The following ITSN2 variants were observed in gnomAD, a reference collection of about 807,000 sequenced individuals.
ITSN2 encodes intersectin-2.
Under a neutral mutation model 243.7 loss-of-function variants are expected in ITSN2, and 156 were observed. The ratio of observed to expected loss-of-function variants is 0.64; its 90% CI spans 0.56 to 0.73. The LOEUF is 0.73. Ranked by LOEUF, ITSN2 falls within the 30% of genes least tolerant of loss-of-function variation. The probability of loss-of-function intolerance (pLI) is 0.00; values close to 1 mark genes in which losing one functional copy is unlikely to be tolerated. For missense variants in ITSN2, 1,801 were observed against 1,996.1 expected, an observed-to-expected ratio of 0.90 and a Z score of 1.86; for synonymous variants, 703 against 699.9, an observed-to-expected ratio of 1.00 and a Z score of -0.07.
intron 18 of ITSN2, among the ~76,000 whole-genome samples, chr2:24,274,256 C>T (rs555744337): frequency 6.6e-6 from 1 of 152,166 alleles, no homozygotes; most frequent in Non-Finnish European, 1.5e-5. Flanking sequence ...TCTATTATCT[C>T]GTTAGGAGGC....
chr2:24,219,452 G>A (rs939851564), intron 30 of ITSN2, among the ~76,000 whole-genome samples: 4 of 152,310 alleles, frequency 2.6e-5, no homozygotes, highest in South Asian at 2.1e-4. Context: ...CGGCCTGCTC[G>A]GAGGCTGCTA....
intron 33 of ITSN2, 74 bp downstream of exon 33, chr2:24,212,576 G>T: frequency 1.7e-6 from 2 of 1,172,014 alleles, no homozygotes; most frequent in Non-Finnish European, 2.4e-6. Flanking sequence ...AGGGCTCCCT[G>T]AGGATCTGGC....
intron 1 of ITSN2, among the ~76,000 whole-genome samples, chr2:24,347,516 G>T (rs543352324): frequency 6.6e-6 from 1 of 152,050 alleles, no homozygotes. Context: ...GAGAAACCCC[G>T]TCCCTGCTAA....
intron 29 of ITSN2, among the ~76,000 whole-genome samples, chr2:24,244,945 T>C (rs1241804312): frequency 1.3e-5 from 2 of 152,234 alleles, no homozygotes; most frequent in East Asian, 1.9e-4. Context: ...CATAAGTGTA[T>C]CTGAGTTTTG....
chr2:24,210,757 C>A (rs781268348), intron 34 of ITSN2, 23 bp downstream of exon 34: 1 of 1,606,658 alleles, frequency 6.2e-7, no homozygotes, highest in Non-Finnish European at 8.5e-7. Flanking sequence ...TGGAGGCGCA[C>A]GGCTTAACCA....
intron 1 of ITSN2, among the ~76,000 whole-genome samples, chr2:24,345,573 C>T (rs909308442): frequency 5.9e-5 from 9 of 152,104 alleles, no homozygotes; most frequent in East Asian, 1.9e-4. Flanking sequence ...TTAATAGACA[C>T]ATAATACATT....
intron 29 of ITSN2, among the ~76,000 whole-genome samples, chr2:24,243,654 AGATGAGGTCTCCC>A (rs1426474876): frequency 6.6e-6 from 1 of 152,074 alleles, no homozygotes; most frequent in Non-Finnish European, 1.5e-5. Flanking sequence ...TTTTCTGTAG[AGATGAGGTCTCCC>A]TATATTGACG....
In ITSN2 at chr2:24,203,502, C is replaced by T; in HGVS notation, c.*124G>A. 3 of 926,272 alleles carry T rather than the reference C, an allele frequency of 3.2e-6. No individual in the cohort carries two copies. The highest frequency in any genetic ancestry group is 3.2e-6 in the Non-Finnish European group (2 of 630,704). 57.4% of individuals were successfully genotyped at this position (926,272 alleles called of 1,614,324 possible). A position where few individuals can be genotyped will look rare whatever the true frequency, so the allele number is the denominator to read the frequency against. On this transcript the variant is annotated 3_prime_UTR_variant, in exon 40 of 40. Transcript: ENST00000355123. ...TTAGTGTGCAGGAAAACAGAGCCCC[C>T]AGCGTGCATGGCTTTGTGAGGGGTG...
chr2:24,347,354 G>A (rs559286391), intron 1 of ITSN2, among the ~76,000 whole-genome samples: 1 of 150,692 alleles, frequency 6.6e-6, no homozygotes, highest in Non-Finnish European at 1.5e-5. Flanking sequence ...GGCTATAGGA[G>A]ATAGGATATG....
rs561453795 is a variant in ITSN2 at position 24,246,192 on chromosome 2, C to T, written c.3514G>A (p.Val1172Met). 4 of 1,613,476 alleles carry T rather than the reference C, an allele frequency of 2.5e-6. No homozygotes were observed. The highest frequency in any genetic ancestry group is 2.2e-5 in the East Asian group (1 of 44,864). Residue 1172 changes from valine (V) to methionine (M), a missense_variant, in exon 29 of 40, where the codon GTG becomes ATG. By Grantham distance (21) the Val-to-Met change is conservative. Around this residue, in one of 5 missense-constraint regions of ITSN2, gnomAD observed 928 missense variants for 1,065.4 expected, o/e 0.87. Transcript: ENST00000355123. Reference protein sequence around the residue: ...PDWWQGEINGVTGLFPSNYVK... With the variant: ...PDWWQGEINGMTGLFPSNYVK... The stretch of plus-strand genomic sequence containing the variant: ...TAGTTTGAAGGAAAGAGACCAGTCA[C>T]CCCGTTGATCTCTCCTTGCCACCAA...
At chr2:24,353,728 CCCA>C (rs1183542302) in intron 1 of ITSN2, among the ~76,000 whole-genome samples, 1 of 152,116 alleles carries the variant, frequency 6.6e-6, no homozygotes, top group Non-Finnish European at 1.5e-5. Context: ...TATCAAGAGT[CCCA>C]CCAACATTCA....
chr2:24,208,201 T>C, intron 37 of ITSN2, 36 bp downstream of exon 37: 2 of 1,571,402 alleles, frequency 1.3e-6, no homozygotes, highest in Non-Finnish European at 1.7e-6. Context: ...CTAGGGCCCC[T>C]GGGGGCTGCG....
At chr2:24,304,617 A>G (rs1682241392) in intron 8 of ITSN2, among the ~76,000 whole-genome samples, 1 of 152,196 alleles carries the variant, frequency 6.6e-6, no homozygotes, top group Non-Finnish European at 1.5e-5. Context: ...TCTTTGTGTT[A>G]AAAGGAAGAT....
Position 24,204,238 on chromosome 2 carries a change from C to CACTT in ITSN2, c.4936+3_4936+6dup. The CACTT allele has an allele frequency of 6.2e-7, 1 of 1,613,788 alleles. No individual in the cohort carries two copies. The highest frequency in any genetic ancestry group is 1.7e-5 in the Admixed American group (1 of 60,030). On this transcript the variant is annotated splice_region_variant and intron_variant, in intron 39 of 39. Transcript: ENST00000355123. This position sits in a 1 kb window ranked among gnomAD's most constrained non-coding sequence, Gnocchi z 5.1. ...GCCTTTAGATCCCCTGGCTGAGCGACACTTACCATCTGGTGAAAACTGGTC... is the reference window on the plus strand; with the variant it reads ...GCCTTTAGATCCCCTGGCTGAGCGACACTTACTTACCATCTGGTGAAAACTGGTC...
At chr2:24,309,642 GTAC>G (rs1172126860) in intron 7 of ITSN2, among the ~76,000 whole-genome samples, 3 of 152,094 alleles carry the variant, frequency 2.0e-5, no homozygotes, top group African/African-American at 7.2e-5. Flanking sequence ...ACCTTATATT[GTAC>G]TAAGGCCTTT....
intron 1 of ITSN2, among the ~76,000 whole-genome samples, chr2:24,337,323 T>TATATACATATATATATATATAC (rs1553395927): frequency 4.5e-5 from 4 of 89,428 alleles, no homozygotes; most frequent in African/African-American, 1.4e-4. Flanking sequence ...AAAATATATA[T>TATATACATATATATATATATAC]ATATATATAT....
Position 24,204,158 on chromosome 2 carries a change from C to G in ITSN2, c.4936+87G>C. The stretch of plus-strand genomic sequence containing the variant: ...TCACTTCCCTGAAGTGGCATGGGGT[C>G]TGCACACAGCTGAAGCCCCTAGATC... On this transcript the variant is annotated intron_variant, in intron 39 of 39. Coordinates refer to ENST00000355123, the MANE Select transcript of ITSN2 (RefSeq NM_006277.3). This position sits in a 1 kb window ranked among gnomAD's most constrained non-coding sequence, Gnocchi z 5.1. 3.7e-6 allele frequency: 5 copies of G among 1,340,210 alleles called. No individual in the cohort carries two copies. The highest frequency in any genetic ancestry group is 5.3e-6 in the Non-Finnish European group (5 of 944,084). The allele number at this position is 1,340,210 out of a possible 1,614,324, so 83.0% of individuals were successfully genotyped here.
rs373145196 is a variant in ITSN2, at chr2:24,349,191, A to G, written c.-34+11113T>C. On this transcript the variant is annotated intron_variant, in intron 1 of 39. Coordinates refer to ENST00000355123, the MANE Select transcript of ITSN2 (RefSeq NM_006277.3). The stretch of plus-strand genomic sequence containing the variant: ...TTTAAAGCAAACTCCAAAATCTAAC[A>G]GGGAAAAAAATTACCAGGAAAAAAT... 1.8e-4 allele frequency among the ~76,000 whole-genome samples: 28 copies of G among 152,200 alleles called. 1 individual carries two copies. The highest frequency in any genetic ancestry group is 1.6e-3 in the Admixed American group (25 of 15,278).
chr2:24,281,414 A>G (rs550173883), intron 17 of ITSN2, among the ~76,000 whole-genome samples: 1 of 152,158 alleles, frequency 6.6e-6, no homozygotes, highest in East Asian at 1.9e-4. Flanking sequence ...CTCTCTTCAC[A>G]TCCTTCATGT....
Sources: allele counts gnomAD v4.1 joint callset (sites outside exome capture counted in the v4.1 genomes callset), GRCh38; gene constraint gnomAD v4.1.1; regional missense constraint gnomAD v4.1.1; non-coding constraint Gnocchi (gnomAD v3.1); transcripts MANE v1.5; gene names NCBI Gene and HGNC (gene_info 2026-07-23, HGNC 2026-07-21).